The following CRTC1 variants were observed in gnomAD, a reference collection of about 807,000 sequenced individuals.
CRTC1 encodes the protein CREB-regulated transcription coactivator 1.
A neutral mutation model predicts 66.1 loss-of-function variants in CRTC1; 18 were observed. The observed-to-expected ratio is 0.27, with a 90% CI of 0.19 to 0.40. The LOEUF (loss-of-function observed/expected upper bound fraction) is 0.40. CRTC1 is among the 10% of genes least tolerant of loss of function. The pLI is 1.00. For synonymous variants in CRTC1, 416 were observed against 398.8 expected, an observed-to-expected ratio of 1.04 and a Z score of -0.51; for missense variants, 669 against 887.9, an observed-to-expected ratio of 0.75 and a Z score of 3.13.
chr19:18,723,122 G>A (rs529125228), intron 1 of CRTC1, among the ~76,000 whole-genome samples: 1 of 152,068 alleles, frequency 6.6e-6, no homozygotes, highest in Non-Finnish European at 1.5e-5. Context: ...TGTATTTTTG[G>A]TAGAGATGGG....
At chr19:18,702,864 A>G (rs1304588019) in intron 1 of CRTC1, among the ~76,000 whole-genome samples, 1 of 151,932 alleles carries the variant, frequency 6.6e-6, no homozygotes, top group Non-Finnish European at 1.5e-5. Flanking sequence ...TGCAGGGAAT[A>G]CCCATAACCC....
chr19:18,765,677 C>A, intron 9 of CRTC1, 149 bp downstream of exon 9: 1 of 810,588 alleles, frequency 1.2e-6, no homozygotes, highest in Non-Finnish European at 1.8e-6. Context: ...ATCAAATTTT[C>A]AAGCCGGGTG....
rs2054265736 is a variant in CRTC1 at position 18,747,216 on chromosome 19, A to G, written c.443+102A>G. Reference sequence around the variant, plus strand: ...AAAAGCAGGACACAGTCGCTTAAACAATGACCAAACTAAGATGCATCCAGA... The same window carrying G: ...AAAAGCAGGACACAGTCGCTTAAACGATGACCAAACTAAGATGCATCCAGA... On this transcript the variant is annotated intron_variant, in intron 4 of 13. Coordinates refer to ENST00000321949, the MANE Select transcript of CRTC1 (RefSeq NM_015321.3). The G allele has an allele frequency of 1.4e-5, 12 of 866,416 alleles. No homozygotes were observed. In the South Asian group the frequency reaches 1.9e-4, roughly 14 times the overall value. The allele number at this position is 866,416 out of a possible 1,614,324, so 53.7% of individuals were successfully genotyped here. A position where few individuals can be genotyped will look rare whatever the true frequency, so the allele number is the denominator to read the frequency against.
At chr19:18,718,795 G>A (rs981845377) in intron 1 of CRTC1, among the ~76,000 whole-genome samples, 7 of 152,128 alleles carry the variant, frequency 4.6e-5, no homozygotes, top group African/African-American at 1.7e-4. Flanking sequence ...TCATTTCGTG[G>A]GGGCATCCGT....
In CRTC1 at chr19:18,779,707, C is replaced by T. The variant is rs867114534; in HGVS notation, c.*2325C>T. 10 of 224,130 alleles carry T rather than the reference C, an allele frequency of 4.5e-5. No homozygotes were observed. The highest frequency in any genetic ancestry group is 1.3e-4 in the East Asian group (2 of 15,470). 13.9% of individuals were successfully genotyped at this position (224,130 alleles called of 1,614,324 possible). A position where few individuals can be genotyped will look rare whatever the true frequency, so the allele number is the denominator to read the frequency against. ...GATAGGAGAGGAGGGATGCCCACCT[C>T]GGAGCATCCCAGGCCCGTGGCCCAT... On this transcript the variant is annotated 3_prime_UTR_variant, in exon 14 of 14. Transcript: ENST00000321949.
Position 18,683,706 on chromosome 19 carries a change from G to A in CRTC1, c.4G>A (p.Ala2Thr). 7.1e-7 allele frequency: 1 copy of A among 1,399,602 alleles called. No homozygotes were observed. Among genetic ancestry groups the A allele is most frequent in the Non-Finnish European group, 9.5e-7 (1 of 1,052,118 alleles). The allele number at this position is 1,399,602 out of a possible 1,614,324, so 86.7% of individuals were successfully genotyped here. A position where few individuals can be genotyped will look rare whatever the true frequency, so the allele number is the denominator to read the frequency against. Residue 2 changes from alanine (A) to threonine (T), a missense_variant, in exon 1 of 14, where the codon GCG (alanine) becomes ACG (threonine). Ala to Thr is a moderately conservative substitution (Grantham distance 58). Coordinates refer to ENST00000321949, the MANE Select transcript of CRTC1 (RefSeq NM_015321.3). ...AGGAGGAGGTGGCGGCGAGAAGATG[G>A]CGACTTCGAACAATCCGCGGAAATT... is the stretch of plus-strand genomic sequence containing the variant. M[A>T]TSNNPRKFSE...
chr19:18,737,181 G>T lies in CRTC1; in HGVS notation c.127-5729G>T, dbSNP rs576578252. Among the ~76,000 whole-genome samples the T allele has an allele frequency of 1.3e-5, 2 of 151,952 alleles. 1 individual carries two copies. The highest frequency in any genetic ancestry group is 4.2e-4 in the South Asian group (2 of 4,818). ...AGAGGTGGGCGTTCTCCAGGGCGAG[G>T]GTCCTGTCAGCAAGGGGTGGGGGTC... On this transcript the variant is annotated intron_variant, in intron 1 of 13. Coordinates refer to ENST00000321949, the MANE Select transcript of CRTC1 (RefSeq NM_015321.3).
At chr19:18,686,990 G>A (rs1044156636) in intron 1 of CRTC1, among the ~76,000 whole-genome samples, 3 of 151,088 alleles carry the variant, frequency 2.0e-5, no homozygotes, top group Non-Finnish European at 4.4e-5. Flanking sequence ...CCCAGATGTC[G>A]GCAGTGCCAA....
At chr19:18,730,014 C>T (rs1324772991) in intron 1 of CRTC1, among the ~76,000 whole-genome samples, 1 of 152,186 alleles carries the variant, frequency 6.6e-6, no homozygotes, top group Non-Finnish European at 1.5e-5. Context: ...TGCCCAGCAG[C>T]AAGTGCACTT....
chr19:18,685,429 A>C (rs763947637), intron 1 of CRTC1, among the ~76,000 whole-genome samples: 2 of 152,136 alleles, frequency 1.3e-5, no homozygotes, highest in Non-Finnish European at 2.9e-5. Flanking sequence ...AGGCTGAGGC[A>C]GTGGATCACC....
chr19:18,727,046 G>T (rs188915447), intron 1 of CRTC1, among the ~76,000 whole-genome samples: 68 of 151,634 alleles, frequency 4.5e-4, no homozygotes, highest in African/African-American at 1.5e-3. Flanking sequence ...CAGGAGTCCA[G>T]GTCTAGCCTG....
rs973581374 is a variant in CRTC1, at chr19:18,781,198, C to G, written c.*3816C>G. On this transcript the variant is annotated 3_prime_UTR_variant, in exon 14 of 14. Transcript: ENST00000321949. Reference sequence around the variant, plus strand: ...TGTGCCCCTGGGCCTGGCCCGTCACCCACATGTGGTGCCCTGGGCCAGGGC... The same window carrying G: ...TGTGCCCCTGGGCCTGGCCCGTCACGCACATGTGGTGCCCTGGGCCAGGGC... The G allele has an allele frequency of 4.4e-6, 1 of 227,216 alleles. No homozygotes were observed. Among genetic ancestry groups the G allele is most frequent in the African/African-American group, 2.2e-5 (1 of 44,910 alleles). The allele number at this position is 227,216 out of a possible 1,614,324, so 14.1% of individuals were successfully genotyped here.
intron 4 of CRTC1, among the ~76,000 whole-genome samples, chr19:18,747,445 T>C (rs902666848): frequency 1.3e-5 from 2 of 152,106 alleles, no homozygotes; most frequent in East Asian, 1.9e-4. Flanking sequence ...GAGACCAGCC[T>C]GGCCAACATG....
intron 11 of CRTC1, among the ~76,000 whole-genome samples, chr19:18,773,800 C>T (rs928568062): frequency 6.6e-6 from 1 of 151,986 alleles, no homozygotes; most frequent in East Asian, 1.9e-4. Context: ...CCAGGGTGAG[C>T]GTGTCTGTCT....
intron 1 of CRTC1, among the ~76,000 whole-genome samples, chr19:18,695,071 A>G (rs1452095459): frequency 2.6e-5 from 4 of 151,858 alleles, no homozygotes; most frequent in Non-Finnish European, 5.9e-5. Context: ...AGGTTTCACC[A>G]TGTTGGCCAG....
intron 6 of CRTC1, among the ~76,000 whole-genome samples, chr19:18,759,304 C>T (rs573532668): frequency 6.6e-6 from 1 of 152,350 alleles, no homozygotes; most frequent in African/African-American, 2.4e-5. Flanking sequence ...GGGGAGGGGA[C>T]CCATAGGGAG....
At chr19:18,770,520 G>A (rs1460233232) in intron 10 of CRTC1, among the ~76,000 whole-genome samples, 1 of 152,262 alleles carries the variant, frequency 6.6e-6, no homozygotes, top group African/African-American at 2.4e-5. Context: ...CACAGTCAGC[G>A]AGAGCCGGGA....
chr19:18,739,419 C>A (rs2054066179), intron 1 of CRTC1, among the ~76,000 whole-genome samples: 1 of 152,260 alleles, frequency 6.6e-6, no homozygotes, highest in African/African-American at 2.4e-5. Context: ...GGGTTTTAAT[C>A]TTAAGTGCTT....
chr19:18,709,053 G>A (rs1192031036), intron 1 of CRTC1, among the ~76,000 whole-genome samples: 1 of 152,188 alleles, frequency 6.6e-6, no homozygotes, highest in Non-Finnish European at 1.5e-5. Context: ...CTCTGAGCCC[G>A]CATGGTGCTC....
Sources: gnomAD v4.1 joint callset for allele counts (sites outside exome capture counted in the v4.1 genomes callset) on GRCh38, gnomAD v4.1.1 for gene constraint, MANE v1.5 for transcripts, NCBI Gene and HGNC (gene_info 2026-07-23, HGNC 2026-07-21) for gene names.